SCARA3: variants seen among roughly 807,000 people sequenced by gnomAD.
The protein encoded by SCARA3 is scavenger receptor class A member 3.
SCARA3 carries 39 observed loss-of-function variants against 47.0 expected under a neutral mutation model. The ratio of observed to expected loss-of-function variants is 0.83; its 90% CI spans 0.64 to 1.08. The LOEUF is 1.08. Ranked by LOEUF, SCARA3 falls within the 50% of genes least tolerant of loss-of-function variation. The probability of loss-of-function intolerance (pLI) is 0.00; values close to 1 mark genes in which losing one functional copy is unlikely to be tolerated. For synonymous variants in SCARA3, 356 were observed against 334.1 expected (o/e 1.07, Z -0.71); for missense variants, 724 against 792.3 (o/e 0.91, Z 1.04).
At chr8:27,691,769 C>A in the SCARA3 span, among the ~76,000 whole-genome samples, 2 of 152,034 alleles carry the variant, frequency 1.3e-5, no homozygotes, top group African/African-American at 2.4e-5. Context: ...ATCTCTGATC[C>A]TCTCAACAAA....
At chr8:27,691,867 C>A in the SCARA3 span, among the ~76,000 whole-genome samples, 1 of 152,062 alleles carries the variant, frequency 6.6e-6, no homozygotes, top group East Asian at 1.9e-4. Flanking sequence ...CATAAAAGAC[C>A]CCTAAGATCC....
chr8:27,721,034 C>T, the SCARA3 span, among the ~76,000 whole-genome samples: 362 of 152,142 alleles, frequency 2.4e-3, 1 homozygote, highest in Admixed American at 4.9e-3. Context: ...CCAATTCATC[C>T]ATTCATGCAC....
the SCARA3 span, among the ~76,000 whole-genome samples, chr8:27,715,632 T>TAGATAGAC: frequency 4.7e-5 from 7 of 150,466 alleles, no homozygotes; most frequent in African/African-American, 1.7e-4. This position sits in a 1 kb window ranked among gnomAD's most constrained non-coding sequence, Gnocchi z 4.2. Context: ...GATAGATAGA[T>TAGATAGAC]AGACACACAC....
the SCARA3 span, among the ~76,000 whole-genome samples, chr8:27,712,346 G>A: frequency 6.6e-6 from 1 of 151,826 alleles, no homozygotes; most frequent in African/African-American, 2.4e-5. Flanking sequence ...GGCGGATCAC[G>A]AGGTCAGGAG....
the SCARA3 span, among the ~76,000 whole-genome samples, chr8:27,707,917 A>G: frequency 6.6e-6 from 1 of 152,132 alleles, no homozygotes; most frequent in Non-Finnish European, 1.5e-5. Context: ...GCATTTCTGT[A>G]CCCAGTTAAT....
chr8:27,712,933 C>T, the SCARA3 span, among the ~76,000 whole-genome samples: 15 of 152,178 alleles, frequency 9.9e-5, no homozygotes, highest in African/African-American at 3.6e-4. Flanking sequence ...TTCCCCTAAA[C>T]ATTTGAGCAT....
chr8:27,725,462 A>G, the SCARA3 span, among the ~76,000 whole-genome samples: 15 of 151,176 alleles, frequency 9.9e-5, no homozygotes, highest in East Asian at 2.9e-3. Context: ...GTTACATTAT[A>G]TAGTAAAAAG....
chr8:27,691,148 C>T, the SCARA3 span, among the ~76,000 whole-genome samples: 2 of 152,072 alleles, frequency 1.3e-5, no homozygotes, highest in African/African-American at 4.8e-5. Context: ...GAAATTTAAG[C>T]AATCATTTAT....
Position 27,644,621 on chromosome 8 carries a change from G to GGAGA in SCARA3, c.8-5058_8-5055dup, listed in dbSNP as rs71553870. Among the ~76,000 whole-genome samples the GGAGA allele has an allele frequency of 6.9e-3, 1,022 of 147,160 alleles. 13 individuals carry two copies. The highest frequency in any genetic ancestry group is 0.023 in the East Asian group (115 of 5,016). ...AATCCACAAAATGAAGAAAAGAAGG[G>GGAGA]GAGAGAGAGAGAGAGAGAGAGAGAG... On this transcript the variant is annotated intron_variant, in intron 1 of 5. Coordinates refer to ENST00000301904, the MANE Select transcript of SCARA3 (RefSeq NM_016240.3).
chr8:27,653,232 A>G (rs1801670471), intron 3 of SCARA3, among the ~76,000 whole-genome samples: 2 of 152,234 alleles, frequency 1.3e-5, no homozygotes, highest in Non-Finnish European at 2.9e-5. Context: ...GAAGAGTTTC[A>G]GAGAGGATGA....
chr8:27,682,916 C>T, the SCARA3 span, among the ~76,000 whole-genome samples: 1 of 152,004 alleles, frequency 6.6e-6, no homozygotes, highest in African/African-American at 2.4e-5. Flanking sequence ...TCTAGCCATT[C>T]TACTCCTAGG....
At chr8:27,637,887 GA>G (rs1388151040) in intron 1 of SCARA3, among the ~76,000 whole-genome samples, 2 of 152,088 alleles carry the variant, frequency 1.3e-5, no homozygotes, top group African/African-American at 4.8e-5. Context: ...GGGGGCCCCA[GA>G]AAGCCTGACC....
chr8:27,698,847 T>G, the SCARA3 span, among the ~76,000 whole-genome samples: 4 of 152,114 alleles, frequency 2.6e-5, no homozygotes, highest in Non-Finnish European at 4.4e-5. Flanking sequence ...TTGCTGAAAT[T>G]TTTAAATATC....
chr8:27,712,557 C>T, the SCARA3 span, among the ~76,000 whole-genome samples: 1 of 69,614 alleles, frequency 1.4e-5, no homozygotes, highest in Non-Finnish European at 2.8e-5. Flanking sequence ...AGCGAGACTC[C>T]GTCTCAAAAA....
the SCARA3 span, among the ~76,000 whole-genome samples, chr8:27,722,420 A>G: frequency 4.4e-4 from 67 of 152,080 alleles, no homozygotes; most frequent in Admixed American, 7.2e-4. Context: ...CTGCATCTAT[A>G]AAAAAAGAGG....
chr8:27,710,229 C>CAAAAAA, the SCARA3 span, among the ~76,000 whole-genome samples: 1 of 105,084 alleles, frequency 9.5e-6, no homozygotes, highest in African/African-American at 3.7e-5. Context: ...GACTCCGTCT[C>CAAAAAA]AAAAAAAAAA....
intron 1 of SCARA3, among the ~76,000 whole-genome samples, chr8:27,646,711 G>A (rs17383366): frequency 0.063 from 9,624 of 152,184 alleles, 359 homozygotes; most frequent in Non-Finnish European, 0.076. Context: ...ACTAGGGTGA[G>A]GTTTTGGTCA....
At chr8:27,670,804 C>A in intron 5 of SCARA3, 96 bp from the exon 6 acceptor site, 1 of 995,876 alleles carries the variant, frequency 1.0e-6, no homozygotes, top group Non-Finnish European at 1.5e-6. Context: ...ACTTGTTCAA[C>A]CCTCGGGCTG....
chr8:27,646,975 C>T lies in SCARA3; in HGVS notation c.8-2727C>T, dbSNP rs1183812480. Among the ~76,000 whole-genome samples the T allele has an allele frequency of 8.8e-5, 9 of 102,468 alleles. 1 individual carries two copies. Among genetic ancestry groups the T allele is most frequent in the Admixed American group, 1.8e-4 (2 of 11,102 alleles). The allele number at this position is 102,468 out of a possible 152,430, so 67.2% of individuals were successfully genotyped here. ...GCCCGCACCCCTGACCGCCCCCGCCCCCCCCCCGCACACACACACTATTGC... is the reference window on the plus strand; with the variant it reads ...GCCCGCACCCCTGACCGCCCCCGCCTCCCCCCCGCACACACACACTATTGC... On this transcript the variant is annotated intron_variant, in intron 1 of 5. Transcript: ENST00000301904.
Sources: gnomAD v4.1 joint callset for allele counts (sites outside exome capture counted in the v4.1 genomes callset) on GRCh38, gnomAD v4.1.1 for gene constraint, Gnocchi (gnomAD v3.1) non-coding constraint, MANE v1.5 for transcripts, NCBI Gene and HGNC (gene_info 2026-07-23, HGNC 2026-07-21) for gene names.